Variants in DNTT observed in about 807,000 individuals in gnomAD.
DNTT encodes nucleosidetriphosphate:DNA deoxynucleotidylexotransferase.
DNTT carries 47 observed loss-of-function variants against 60.9 expected under a neutral mutation model. The ratio of observed to expected loss-of-function variants is 0.77; its 90% CI spans 0.61 to 0.98. The LOEUF is 0.98. DNTT is among the 50% of genes least tolerant of loss of function. The pLI is 0.00. For synonymous variants in DNTT, 224 were observed against 221.2 expected, an observed-to-expected ratio of 1.01 and a Z score of -0.11; for missense variants, 665 against 627.5, an observed-to-expected ratio of 1.06 and a Z score of -0.64.
At chr10:96,316,141 C>A (rs1461485802) in intron 1 of DNTT, among the ~76,000 whole-genome samples, 1 of 152,156 alleles carries the variant, frequency 6.6e-6, no homozygotes, top group Admixed American at 6.5e-5. Context: ...CGCTCCACCC[C>A]TTCCCCCAAA....
At chr10:96,331,107 C>G (rs1845001499) in intron 8 of DNTT, among the ~76,000 whole-genome samples, 1 of 152,062 alleles carries the variant, frequency 6.6e-6, no homozygotes, top group Non-Finnish European at 1.5e-5. Flanking sequence ...GGATAGGCAA[C>G]TTTAAGTGAA....
Position 96,320,562 on chromosome 10 carries a change from C to A in DNTT, c.508-56C>A, listed in dbSNP as rs145099508. ...GAGAGCAAGAGGCGTTTGTGAGTGA[C>A]CACTGGCTCAGGGGCTTGGAAGCAA... is the stretch of plus-strand genomic sequence containing the variant. On this transcript the variant is annotated intron_variant, in intron 3 of 10. Transcript: ENST00000371174. 1.5e-3 allele frequency: 2,348 copies of A among 1,594,076 alleles called. 16 individuals are homozygous for A. In the African/African-American group the frequency reaches 0.022, roughly 15 times the overall value.
Position 96,304,571 on chromosome 10 carries a change from C to T in DNTT, c.74C>T (p.Ser25Phe), listed in dbSNP as rs1439002651. The T allele has an allele frequency of 6.2e-7, 1 of 1,614,010 alleles. No homozygotes were observed. Among genetic ancestry groups the T allele is most frequent in the Non-Finnish European group, 8.5e-7 (1 of 1,180,014 alleles). The stretch of plus-strand genomic sequence containing the variant: ...CGGCAGACGGGTGCCTTGATGGCCT[C>T]CTCTCCTCAAGACATCAAATTTCAA... Reference protein sequence around the residue: ...RPRQTGALMASSPQDIKFQDL... With the variant: ...RPRQTGALMAFSPQDIKFQDL... The change falls in exon 1 of 11, where the codon TCC (serine) becomes TTC (phenylalanine). Residue 25 changes from serine (S) to phenylalanine (F), a missense_variant. Ser to Phe is a radical substitution (Grantham distance 155). Transcript: ENST00000371174.
At chr10:96,307,090 A>G (rs1410826965) in intron 1 of DNTT, among the ~76,000 whole-genome samples, 1 of 152,220 alleles carries the variant, frequency 6.6e-6, no homozygotes, top group African/African-American at 2.4e-5. Flanking sequence ...ATGCATGTCA[A>G]TGTGCTTTGA....
At chr10:96,322,121 G>A (rs149697699) in intron 4 of DNTT, among the ~76,000 whole-genome samples, 39 of 152,188 alleles carry the variant, frequency 2.6e-4, no homozygotes, top group Middle Eastern at 6.8e-3. Context: ...CGGTGTTTAG[G>A]GATTCCCCAG....
intron 1 of DNTT, among the ~76,000 whole-genome samples, chr10:96,312,135 A>C (rs1475659647): frequency 2.6e-5 from 4 of 152,214 alleles, no homozygotes; most frequent in Admixed American, 6.5e-5. Flanking sequence ...CAGAGAAACG[A>C]GTACCATGTT....
chr10:96,305,647 G>A (rs536227727), intron 1 of DNTT, among the ~76,000 whole-genome samples: 1 of 152,298 alleles, frequency 6.6e-6, no homozygotes, highest in South Asian at 2.1e-4. Flanking sequence ...AAAATTTTAT[G>A]TGAAAGGACA....
At chr10:96,323,613 G>T (rs558374033) in intron 5 of DNTT, among the ~76,000 whole-genome samples, 202 of 152,210 alleles carry the variant, frequency 1.3e-3, no homozygotes, top group Middle Eastern at 3.4e-3. Context: ...TGCTCTTAAA[G>T]AGCAGATTTG....
chr10:96,338,156 G>A lies in DNTT; in HGVS notation c.1462G>A (p.Glu488Lys), dbSNP rs1422464513. 6.2e-7 allele frequency: 1 copy of A among 1,613,120 alleles called. No individual in the cohort carries two copies. The highest frequency in any genetic ancestry group is 1.3e-5 in the African/African-American group (1 of 74,906). Reference sequence around the variant, plus strand: ...TTTTCAGAGGATATTCCTCAAAGCAGAAAGTGAAGAAGAAATTTTTGCGCA... The same window carrying A: ...TTTTCAGAGGATATTCCTCAAAGCAAAAAGTGAAGAAGAAATTTTTGCGCA... ...DKTKRIFLKA[E>K]SEEEIFAHLG... Residue 488 changes from glutamate (E) to lysine (K), a missense_variant, in exon 11 of 11, where the codon GAA (glutamate) becomes AAA (lysine). Transcript: ENST00000371174.
chr10:96,321,542 G>A (rs945101500), intron 4 of DNTT, among the ~76,000 whole-genome samples: 3 of 151,896 alleles, frequency 2.0e-5, no homozygotes, highest in South Asian at 2.1e-4. Context: ...ATGCCCACTC[G>A]CCCAATTCCT....
At chr10:96,336,881 T>C (rs1211131343) in intron 10 of DNTT, among the ~76,000 whole-genome samples, 2 of 137,022 alleles carry the variant, frequency 1.5e-5, no homozygotes, top group Admixed American at 8.0e-5. Context: ...GAGGCTGCAG[T>C]GAGCCGAGAT....
chr10:96,312,018 A>G (rs971340502), intron 1 of DNTT, among the ~76,000 whole-genome samples: 2 of 152,248 alleles, frequency 1.3e-5, no homozygotes, highest in Non-Finnish European at 2.9e-5. Flanking sequence ...AATAATATCC[A>G]TAAAACCTAT....
At chr10:96,316,218 G>T (rs1238793377) in intron 1 of DNTT, among the ~76,000 whole-genome samples, 1 of 152,146 alleles carries the variant, frequency 6.6e-6, no homozygotes, top group Non-Finnish European at 1.5e-5. Context: ...TAATATGCTG[G>T]AGTAATATTT....
intron 1 of DNTT, among the ~76,000 whole-genome samples, chr10:96,316,565 A>G (rs1186817668): frequency 6.6e-6 from 1 of 152,148 alleles, no homozygotes; most frequent in Non-Finnish European, 1.5e-5. Context: ...ATTCAGCCAC[A>G]TCTACAATTA....
At chr10:96,331,630 T>C (rs556159230) in intron 8 of DNTT, among the ~76,000 whole-genome samples, 18 of 152,156 alleles carry the variant, frequency 1.2e-4, no homozygotes, top group Admixed American at 9.2e-4. Flanking sequence ...TGAGAGATCT[T>C]CCCCTATGAC....
chr10:96,327,557 T>C lies in DNTT; in HGVS notation c.964T>C (p.Phe322Leu). The C allele has an allele frequency of 1.2e-6, 2 of 1,614,002 alleles. No individual in the cohort carries two copies. Among genetic ancestry groups the C allele is most frequent in the African/African-American group, 1.3e-5 (1 of 75,016 alleles). The change falls in exon 7 of 11, where the codon TTT (phenylalanine) becomes CTT (leucine). Residue 322 changes from phenylalanine (F) to leucine (L), a missense_variant. Transcript: ENST00000371174. ...GCTGGTTAAAGAGGCTGTCTGGGCA[T>C]TTCTTCCGGATGCTTTCGTCACCAT... ...SVLVKEAVWA[F>L]LPDAFVTMTG...
intron 6 of DNTT, among the ~76,000 whole-genome samples, chr10:96,324,989 C>G (rs1357777299): frequency 1.3e-5 from 2 of 152,158 alleles, no homozygotes; most frequent in African/African-American, 4.8e-5. Flanking sequence ...TCGCCTAAGA[C>G]AAGACCGTGG....
chr10:96,327,242 A>G (rs1453170837), intron 6 of DNTT, among the ~76,000 whole-genome samples: 1 of 152,206 alleles, frequency 6.6e-6, no homozygotes, highest in African/African-American at 2.4e-5. Context: ...TCTCCTTCTC[A>G]GGAAATTGTA....
chr10:96,315,791 G>T (rs1250884924), intron 1 of DNTT, among the ~76,000 whole-genome samples: 1 of 151,574 alleles, frequency 6.6e-6, no homozygotes, highest in African/African-American at 2.4e-5. Context: ...CCCTCCAAAA[G>T]GCAGAAATAT....
Sources: allele counts gnomAD v4.1 joint callset (sites outside exome capture counted in the v4.1 genomes callset), GRCh38; gene constraint gnomAD v4.1.1; transcripts MANE v1.5; gene names NCBI Gene and HGNC (gene_info 2026-07-23, HGNC 2026-07-21).